TCF12: variants seen among roughly 807,000 people sequenced by gnomAD.
The protein encoded by TCF12 is DNA-binding protein HTF4.
In TCF12, 45 loss-of-function variants were observed where a neutral mutation model predicts 86.0. The ratio of observed to expected loss-of-function variants is 0.52; its 90% CI spans 0.41 to 0.67. The LOEUF (loss-of-function observed/expected upper bound fraction) is 0.67. Ranked by LOEUF, TCF12 falls within the 30% of genes least tolerant of loss-of-function variation. The probability of loss-of-function intolerance (pLI) is 0.00; values close to 1 mark genes in which losing one functional copy is unlikely to be tolerated. For synonymous variants in TCF12, 330 were observed against 299.6 expected (o/e 1.10, Z -1.05); for missense variants, 881 against 859.9 (o/e 1.02, Z -0.31).
chr15:57,010,596 C>CT (rs1188347724), intron 3 of TCF12, among the ~76,000 whole-genome samples: 2 of 151,976 alleles, frequency 1.3e-5, no homozygotes, highest in African/African-American at 4.8e-5. Flanking sequence ...GTAGGAGGTA[C>CT]TTTTTTATGA....
At chr15:57,207,820 T>C (rs2057906479) in intron 8 of TCF12, among the ~76,000 whole-genome samples, 1 of 152,132 alleles carries the variant, frequency 6.6e-6, no homozygotes. Context: ...ACAAAAGATA[T>C]TTTAAAATTT....
chr15:57,166,423 C>T lies in TCF12; in HGVS notation c.347C>T (p.Ser116Leu). 6.2e-7 allele frequency: 1 copy of T among 1,612,386 alleles called. No homozygotes were observed. The highest frequency in any genetic ancestry group is 8.5e-7 in the Non-Finnish European group (1 of 1,179,430). The change falls in exon 6 of 21, where the codon TCA (serine) becomes TTA (leucine). Residue 116 changes from serine (S) to leucine (L), a missense_variant. Ser to Leu is a moderately radical substitution (Grantham distance 145). Coordinates refer to ENST00000333725, the MANE Select transcript of TCF12 (RefSeq NM_207037.2). ...NLMGKTSERGSFSLYSRDTGL... is the reference protein window; with the variant it reads ...NLMGKTSERGLFSLYSRDTGL... Reference sequence around the variant, plus strand: ...ATAGGAAAAACATCAGAGAGAGGCTCATTTTCCCTGTACAGCAGAGATACT... The same window carrying T: ...ATAGGAAAAACATCAGAGAGAGGCTTATTTTCCCTGTACAGCAGAGATACT...
intron 5 of TCF12, among the ~76,000 whole-genome samples, chr15:57,134,880 T>G (rs1395736732): frequency 7.1e-6 from 1 of 141,416 alleles, no homozygotes; most frequent in Non-Finnish European, 1.5e-5. Context: ...AGTTTGAGGG[T>G]TTTTGTGTTT....
chr15:57,087,640 A>T (rs2048737192), intron 4 of TCF12, among the ~76,000 whole-genome samples: 1 of 152,086 alleles, frequency 6.6e-6, no homozygotes, highest in African/African-American at 2.4e-5. Context: ...CATAGATGGA[A>T]TTATTTAAGA....
chr15:57,176,580 A>T (rs1363876816), intron 6 of TCF12, among the ~76,000 whole-genome samples: 1 of 152,176 alleles, frequency 6.6e-6, no homozygotes, highest in Non-Finnish European at 1.5e-5. Context: ...TGTTATTATT[A>T]TTCCTCCCAT....
At chr15:57,252,194 CAT>C (rs1240115210) in intron 14 of TCF12, 3 of 412,522 alleles carry the variant, frequency 7.3e-6, no homozygotes. Flanking sequence ...GTTTGCTTCT[CAT>C]ATATTTTGCA....
chr15:57,231,042 A>G, intron 8 of TCF12, 110 bp from the exon 9 acceptor site: 2 of 716,194 alleles, frequency 2.8e-6, no homozygotes, highest in South Asian at 3.9e-5. Context: ...GTAGCCCTTT[A>G]TAAAAATTAG....
chr15:56,950,745 G>C (rs1750142612), intron 3 of TCF12, among the ~76,000 whole-genome samples: 23 of 85,876 alleles, frequency 2.7e-4, no homozygotes, highest in Admixed American at 6.6e-4. Flanking sequence ...TTATGACCAT[G>C]TTTTTTTTTT....
chr15:57,245,969 G>A (rs2059839666), intron 13 of TCF12, among the ~76,000 whole-genome samples: 1 of 151,670 alleles, frequency 6.6e-6, no homozygotes, highest in Admixed American at 6.6e-5. Flanking sequence ...GCAGAGATGA[G>A]ATAGAAAGAA....
chr15:57,065,029 T>C (rs187433427), intron 4 of TCF12, among the ~76,000 whole-genome samples: 1 of 152,238 alleles, frequency 6.6e-6, no homozygotes, highest in East Asian at 1.9e-4. Flanking sequence ...AAATGCTGAG[T>C]TAAAATACCT....
At chr15:57,060,555 C>T (rs748923741) in intron 3 of TCF12, among the ~76,000 whole-genome samples, 4 of 152,150 alleles carry the variant, frequency 2.6e-5, no homozygotes, top group Non-Finnish European at 5.9e-5. Flanking sequence ...TATTGCTGAA[C>T]TTTCTCTTAC....
rs775831463 is a variant in TCF12, at chr15:57,182,233, TAGG to T, written c.391-9922_391-9920del. Among the ~76,000 whole-genome samples the T allele has an allele frequency of 5.3e-5, 8 of 152,034 alleles. No homozygotes were observed. In the East Asian group the frequency reaches 1.5e-3, roughly 29 times the overall value. On this transcript the variant is annotated intron_variant, in intron 6 of 20. Coordinates refer to ENST00000333725, the MANE Select transcript of TCF12 (RefSeq NM_207037.2). ...TATGAGCTGATACCTAATTTTATTT[TAGG>T]AGAAGAAAAATAAAATAGTTGATGT...
chr15:57,168,797 C>T (rs1484727285), intron 6 of TCF12, among the ~76,000 whole-genome samples: 1 of 152,114 alleles, frequency 6.6e-6, no homozygotes, highest in Non-Finnish European at 1.5e-5. Flanking sequence ...AATCCCAGCA[C>T]TTTGGGAGGA....
intron 8 of TCF12, among the ~76,000 whole-genome samples, chr15:57,220,896 G>A (rs781507658): frequency 1.3e-5 from 2 of 151,872 alleles, no homozygotes; most frequent in Non-Finnish European, 2.9e-5. Context: ...CTTAGTGAAG[G>A]GGGGGAGAGG....
chr15:57,144,884 G>T (rs1487252388), intron 5 of TCF12, among the ~76,000 whole-genome samples: 1 of 152,148 alleles, frequency 6.6e-6, no homozygotes, highest in African/African-American at 2.4e-5. Context: ...TTACAAGCAT[G>T]AGCTGCCATA....
At chr15:56,931,597 T>C (rs2140270069) in intron 3 of TCF12, among the ~76,000 whole-genome samples, 1 of 152,332 alleles carries the variant, frequency 6.6e-6, no homozygotes, top group Middle Eastern at 3.4e-3. Flanking sequence ...CAGTCTTTGG[T>C]AAACTTTATT....
At chr15:57,178,279 T>G (rs1299465876) in intron 6 of TCF12, among the ~76,000 whole-genome samples, 2 of 152,210 alleles carry the variant, frequency 1.3e-5, no homozygotes, top group Non-Finnish European at 2.9e-5. Flanking sequence ...TTTCCTACTT[T>G]TGTGTATTAT....
chr15:57,085,617 T>G (rs1367155029), intron 4 of TCF12, among the ~76,000 whole-genome samples: 1 of 152,224 alleles, frequency 6.6e-6, no homozygotes, highest in African/African-American at 2.4e-5. Flanking sequence ...AGGATTTGTT[T>G]TAGAAAGTAT....
At chr15:56,960,795 C>G (rs1010426863) in intron 3 of TCF12, among the ~76,000 whole-genome samples, 2 of 151,866 alleles carry the variant, frequency 1.3e-5, no homozygotes, top group Non-Finnish European at 2.9e-5. Flanking sequence ...AATCATGATT[C>G]TTTTAAAAAT....
Sources: allele counts gnomAD v4.1 joint callset (sites outside exome capture counted in the v4.1 genomes callset), GRCh38; gene constraint gnomAD v4.1.1; transcripts MANE v1.5; gene names NCBI Gene and HGNC (gene_info 2026-07-23, HGNC 2026-07-21).